The following FRMD6 variants were observed in gnomAD, a reference collection of about 807,000 sequenced individuals.
FRMD6 encodes FERM domain containing 6.
FRMD6 carries 37 observed loss-of-function variants against 73.2 expected under a neutral mutation model. The observed-to-expected ratio is 0.51, with a 90% confidence interval of 0.39 to 0.66. The LOEUF (loss-of-function observed/expected upper bound fraction) is 0.66, where lower values mean the gene tolerates loss of function less well. FRMD6 is among the 30% of genes least tolerant of loss of function. The pLI, the probability that FRMD6 is intolerant of heterozygous loss-of-function variation, is 0.00. For missense variants in FRMD6, 714 were observed against 780.5 expected, an observed-to-expected ratio of 0.91 and a Z score of 1.02; for synonymous variants, 273 against 282.2, an observed-to-expected ratio of 0.97 and a Z score of 0.33.
rs1325439159 is a variant in FRMD6 at position 51,569,412 on chromosome 14, AAC to A, written c.-209-933_-209-932del. On this transcript the variant is annotated intron_variant, in intron 1 of 14. Coordinates refer to the FRMD6 transcript ENST00000356218. ...GGCAAACAATACCAGGGTCAGAATA[AAC>A]ACTAATTAACATTGTTTAGAATACT... Among the ~76,000 whole-genome samples, 13 of 152,322 alleles carry A rather than the reference AAC, an allele frequency of 8.5e-5. No homozygotes were observed. The East Asian group carries it at 2.3e-3, about 27-fold the overall frequency.
At chr14:51,534,832 G>A (rs1885788001) in intron 1 of FRMD6, among the ~76,000 whole-genome samples, 1 of 152,230 alleles carries the variant, frequency 6.6e-6, no homozygotes, top group Non-Finnish European at 1.5e-5. Flanking sequence ...TTTACAAAAA[G>A]CTGATGAGCC....
At chr14:51,623,421 C>G (rs535042044) in intron 2 of FRMD6, among the ~76,000 whole-genome samples, 1 of 152,146 alleles carries the variant, frequency 6.6e-6, no homozygotes, top group African/African-American at 2.4e-5. Context: ...GATTATGAAA[C>G]CTAGACCTCT....
At chr14:51,500,869 A>C (rs1293247929) in intron 1 of FRMD6, among the ~76,000 whole-genome samples, 1 of 152,180 alleles carries the variant, frequency 6.6e-6, no homozygotes, top group Middle Eastern at 3.2e-3. Flanking sequence ...AGTTGTTTCT[A>C]AATTAATTTC....
At chr14:51,561,188 A>G (rs1490901812) in intron 1 of FRMD6, among the ~76,000 whole-genome samples, 1 of 152,232 alleles carries the variant, frequency 6.6e-6, no homozygotes, top group African/African-American at 2.4e-5. Context: ...CTGCCTTTCA[A>G]GGATGAATCA....
intron 1 of FRMD6, among the ~76,000 whole-genome samples, chr14:51,569,692 G>A (rs1177419857): frequency 6.6e-6 from 1 of 151,506 alleles, no homozygotes; most frequent in African/African-American, 2.4e-5. Flanking sequence ...TGTGGAGACA[G>A]GGTTTTGCCA....
intron 1 of FRMD6, among the ~76,000 whole-genome samples, chr14:51,549,332 A>G (rs571000130): frequency 8.5e-5 from 13 of 152,332 alleles, no homozygotes; most frequent in Admixed American, 2.6e-4. Flanking sequence ...GTGTTATTCC[A>G]TAGTATAGGC....
chr14:51,548,938 G>C (rs1886628213), intron 1 of FRMD6, among the ~76,000 whole-genome samples: 1 of 152,154 alleles, frequency 6.6e-6, no homozygotes, highest in African/African-American at 2.4e-5. Flanking sequence ...GGACCAAGGC[G>C]ATTGGCATTC....
At chr14:51,610,125 C>G (rs1490812047) in intron 2 of FRMD6, among the ~76,000 whole-genome samples, 1 of 149,100 alleles carries the variant, frequency 6.7e-6, no homozygotes, top group East Asian at 2.0e-4. Flanking sequence ...CATCTTTCAA[C>G]TGGCAGTCCT....
chr14:51,454,941 T>C, the FRMD6 span: 1 of 152,206 alleles, frequency 6.6e-6, no homozygotes, highest in Non-Finnish European at 1.5e-5. Flanking sequence ...AGTAGTTTGG[T>C]TCATTCTAGC....
the FRMD6 span, among the ~76,000 whole-genome samples, chr14:51,416,571 A>T: frequency 6.6e-6 from 1 of 152,184 alleles, no homozygotes; most frequent in East Asian, 1.9e-4. Context: ...CTTTACTTCC[A>T]ACTATGTGGT....
chr14:51,543,149 A>G, intron 1 of FRMD6, among the ~76,000 whole-genome samples: 1 of 151,972 alleles, frequency 6.6e-6, no homozygotes, highest in East Asian at 1.9e-4. Flanking sequence ...GTTGATTATG[A>G]TTTTTATGAC....
intron 2 of FRMD6, among the ~76,000 whole-genome samples, chr14:51,603,531 A>T (rs1432798522): frequency 6.6e-6 from 1 of 152,150 alleles, no homozygotes; most frequent in Non-Finnish European, 1.5e-5. Context: ...ATAACGAAAA[A>T]CTTTCCTTTG....
intron 2 of FRMD6, among the ~76,000 whole-genome samples, chr14:51,631,174 C>T (rs1891322264): frequency 6.6e-6 from 1 of 152,200 alleles, no homozygotes; most frequent in Non-Finnish European, 1.5e-5. Flanking sequence ...AATAGTTCTG[C>T]TTCTCTTGGG....
At chr14:51,527,906 T>C (rs1885033) in intron 1 of FRMD6, among the ~76,000 whole-genome samples, 58,857 of 152,022 alleles carry the variant, frequency 0.39, 11,743 homozygotes, top group African/African-American at 0.47. Context: ...GGGGCCAGGC[T>C]GAGGTGGGAG....
At chr14:51,490,598 A>G (rs1882935914) in intron 1 of FRMD6, among the ~76,000 whole-genome samples, 1 of 110,806 alleles carries the variant, frequency 9.0e-6, no homozygotes, top group African/African-American at 3.2e-5. Flanking sequence ...TAGGTCCTGG[A>G]CGATATATGT....
chr14:51,601,925 G>A (rs1054409321), intron 2 of FRMD6, among the ~76,000 whole-genome samples: 1 of 152,152 alleles, frequency 6.6e-6, no homozygotes, highest in African/African-American at 2.4e-5. Flanking sequence ...CTGCCTCCCT[G>A]ATTAGATTGT....
chr14:51,536,930 C>A (rs1885927514), intron 1 of FRMD6, among the ~76,000 whole-genome samples: 1 of 152,076 alleles, frequency 6.6e-6, no homozygotes, highest in Non-Finnish European at 1.5e-5. Context: ...ACAGAGATAT[C>A]CTGACTACCC....
At chr14:51,715,125 A>T in intron 9 of FRMD6, 200 bp from the exon 10 acceptor site, 1 of 437,124 alleles carries the variant, frequency 2.3e-6, no homozygotes, top group Non-Finnish European at 4.0e-6. Flanking sequence ...TTGTGGCTAG[A>T]TGCTTTCCTG....
chr14:51,682,283 G>A (rs1894853163), intron 1 of FRMD6, among the ~76,000 whole-genome samples: 1 of 151,508 alleles, frequency 6.6e-6, no homozygotes, highest in Admixed American at 6.6e-5. Context: ...CCATCTTCTT[G>A]GTCTTCTCTG....
Sources: allele counts gnomAD v4.1 joint callset (sites outside exome capture counted in the v4.1 genomes callset), GRCh38; gene constraint gnomAD v4.1.1; transcripts MANE v1.5; gene names NCBI Gene and HGNC (gene_info 2026-07-23, HGNC 2026-07-21).